Variants in ADARB2 observed in about 807,000 individuals in gnomAD.
ADARB2 encodes the protein inactive double-stranded RNA-specific editase B2.
Under a neutral mutation model 62.2 loss-of-function variants are expected in ADARB2, and 25 were observed. The observed-to-expected ratio is 0.40, with a 90% CI of 0.29 to 0.56. The LOEUF (loss-of-function observed/expected upper bound fraction) is 0.56. ADARB2 is among the 20% of genes least tolerant of loss of function. ADARB2 has a pLI of 0.43. For missense variants in ADARB2, 1,071 were observed against 1,077.4 expected, an observed-to-expected ratio of 0.99 and a Z score of 0.08; for synonymous variants, 572 against 500.8, an observed-to-expected ratio of 1.14 and a Z score of -1.90.
intron 6 of ADARB2, among the ~76,000 whole-genome samples, chr10:1,225,697 C>G (rs1166441332): frequency 7.4e-5 from 10 of 134,460 alleles, no homozygotes; most frequent in African/African-American, 2.5e-4. Context: ...ATATGAAATT[C>G]TGGGTTAAAA....
At chr10:1,466,402 C>A (rs1831255466) in intron 1 of ADARB2, among the ~76,000 whole-genome samples, 2 of 152,226 alleles carry the variant, frequency 1.3e-5, no homozygotes, top group Non-Finnish European at 2.9e-5. Flanking sequence ...GAGAGATGGT[C>A]TCCCTGAGGG....
chr10:1,713,981 G>T (rs1203385411), intron 1 of ADARB2, among the ~76,000 whole-genome samples: 1 of 152,150 alleles, frequency 6.6e-6, no homozygotes, highest in Admixed American at 6.5e-5. Context: ...TCCTTGTTTT[G>T]CATAAAGAGA....
chr10:1,725,145 C>G (rs941144426), intron 1 of ADARB2, among the ~76,000 whole-genome samples: 2 of 152,202 alleles, frequency 1.3e-5, no homozygotes, highest in African/African-American at 2.4e-5. Context: ...CAGGACATGT[C>G]CTCCCTGCAT....
chr10:1,544,758 G>T (rs561751782), intron 1 of ADARB2, among the ~76,000 whole-genome samples: 1 of 152,170 alleles, frequency 6.6e-6, no homozygotes, highest in South Asian at 2.1e-4. Flanking sequence ...GATTTGTAAA[G>T]TACAAATGCT....
At chr10:1,403,071 C>G (rs1415501953) in intron 1 of ADARB2, among the ~76,000 whole-genome samples, 1 of 152,210 alleles carries the variant, frequency 6.6e-6, no homozygotes, top group African/African-American at 2.4e-5. Flanking sequence ...GTCCTGCAGG[C>G]ACCGTGTGCG....
chr10:1,547,245 GC>G (rs1832536171), intron 1 of ADARB2, among the ~76,000 whole-genome samples: 2 of 145,726 alleles, frequency 1.4e-5, no homozygotes, highest in African/African-American at 2.6e-5. Context: ...TGTGTTGGGG[GC>G]AGAGGCTGCA....
chr10:1,680,350 G>A (rs949531686), intron 1 of ADARB2, among the ~76,000 whole-genome samples: 4 of 151,718 alleles, frequency 2.6e-5, no homozygotes, highest in Non-Finnish European at 4.4e-5. Flanking sequence ...ATAACCTTTG[G>A]GTCCTCCCTC....
chr10:1,279,371 A>G (rs1391574634), intron 3 of ADARB2, among the ~76,000 whole-genome samples: 4 of 152,238 alleles, frequency 2.6e-5, no homozygotes, highest in African/African-American at 9.6e-5. Context: ...GCTGGAGCGC[A>G]GTGGCGTGAT....
At position 1,617,348 on chromosome 10, in the gene ADARB2, G is replaced by T. The variant is rs78437949; in HGVS notation, c.100+119703C>A. Among the ~76,000 whole-genome samples the T allele has an allele frequency of 5.5e-3, 284 of 51,206 alleles. 37 individuals are homozygous for T. Among genetic ancestry groups the T allele is most frequent in the Non-Finnish European group, 8.4e-3 (198 of 23,510 alleles). The allele number at this position is 51,206 out of a possible 152,430, so 33.6% of individuals were successfully genotyped here. On this transcript the variant is annotated intron_variant, in intron 1 of 9. Transcript: ENST00000381312. ...GCTGAGCTCTGCATCCTGGGAACCG[G>T]CCTCAGAGGGCTGCATTCTGTCGCT...
chr10:1,275,602 A>C (rs946253910), intron 3 of ADARB2, among the ~76,000 whole-genome samples: 4 of 151,372 alleles, frequency 2.6e-5, no homozygotes, highest in African/African-American at 9.7e-5. Context: ...GGTGTGCTGC[A>C]CACATCAACT....
chr10:1,608,865 G>T (rs1833530730), intron 1 of ADARB2, among the ~76,000 whole-genome samples: 1 of 152,016 alleles, frequency 6.6e-6, no homozygotes, highest in Non-Finnish European at 1.5e-5. Context: ...TGGGGGTAGG[G>T]ACAGCATTTC....
At chr10:1,367,934 G>T (rs1339692035) in intron 2 of ADARB2, among the ~76,000 whole-genome samples, 1 of 152,210 alleles carries the variant, frequency 6.6e-6, no homozygotes, top group Non-Finnish European at 1.5e-5. Context: ...TGGTATAAGA[G>T]CCTCTTTCAT....
chr10:1,559,371 C>T (rs1011454719), intron 1 of ADARB2, among the ~76,000 whole-genome samples: 1 of 152,152 alleles, frequency 6.6e-6, no homozygotes, highest in African/African-American at 2.4e-5. Flanking sequence ...GTGGTGAGGT[C>T]GGAGTCTCTC....
At chr10:1,547,246 C>G (rs1208942755) in intron 1 of ADARB2, among the ~76,000 whole-genome samples, 1,682 of 41,270 alleles carry the variant, frequency 0.041, no homozygotes, top group Middle Eastern at 0.17. Flanking sequence ...GTGTTGGGGG[C>G]AGAGGCTGCA....
chr10:1,544,023 A>AC (rs1490088992), intron 1 of ADARB2, among the ~76,000 whole-genome samples: 111 of 144,762 alleles, frequency 7.7e-4, no homozygotes, highest in Non-Finnish European at 1.5e-3. Flanking sequence ...ACAAACAAAA[A>AC]AAAAAACACA....
chr10:1,695,555 G>A (rs540748897), intron 1 of ADARB2, among the ~76,000 whole-genome samples: 1 of 152,298 alleles, frequency 6.6e-6, no homozygotes, highest in East Asian at 1.9e-4. Flanking sequence ...CAGAGGCAAA[G>A]GGCAGGAGCA....
intron 1 of ADARB2, among the ~76,000 whole-genome samples, chr10:1,478,792 G>A (rs895315602): frequency 6.0e-5 from 9 of 151,188 alleles, no homozygotes; most frequent in East Asian, 2.0e-4. Context: ...ACCCTTGGAC[G>A]GGAGAGCACC....
intron 8 of ADARB2, among the ~76,000 whole-genome samples, chr10:1,187,535 G>C (rs1836777055): frequency 1.3e-5 from 2 of 152,274 alleles, no homozygotes; most frequent in African/African-American, 4.8e-5. Flanking sequence ...AGGACCTCCT[G>C]GTTCCTTGTC....
intron 1 of ADARB2, among the ~76,000 whole-genome samples, chr10:1,652,080 A>T (rs571352428): frequency 6.6e-6 from 1 of 152,312 alleles, no homozygotes; most frequent in African/African-American, 2.4e-5. Flanking sequence ...GTATTCCAGT[A>T]ATTTGGGTGA....
Sources: allele counts gnomAD v4.1 joint callset (sites outside exome capture counted in the v4.1 genomes callset), GRCh38; gene constraint gnomAD v4.1.1; transcripts MANE v1.5; gene names NCBI Gene and HGNC (gene_info 2026-07-23, HGNC 2026-07-21).